The following RBFOX1 variants were observed in gnomAD, a reference collection of about 807,000 sequenced individuals.
RBFOX1 encodes RNA binding protein fox-1 homolog 1.
In RBFOX1, 8 loss-of-function variants were observed where a neutral mutation model predicts 57.7. The ratio of observed to expected loss-of-function variants is 0.14; its 90% CI spans 0.08 to 0.25. The LOEUF is 0.25. Among genes scored for constraint, RBFOX1 ranks in the 10% least tolerant of loss-of-function variants. RBFOX1 has a pLI of 1.00. For missense variants in RBFOX1, 611 were observed against 548.5 expected, an observed-to-expected ratio of 1.11 and a Z score of -1.14; for synonymous variants, 326 against 222.4, an observed-to-expected ratio of 1.47 and a Z score of -4.15.
chr16:6,602,513 A>T (rs1307929764), intron 2 of RBFOX1, among the ~76,000 whole-genome samples: 1 of 152,034 alleles, frequency 6.6e-6, no homozygotes, highest in Non-Finnish European at 1.5e-5. Flanking sequence ...CCAACAGCTG[A>T]CCTCCAAGAG....
chr16:6,944,535 G>T (rs146316619), intron 3 of RBFOX1, among the ~76,000 whole-genome samples: 6 of 152,242 alleles, frequency 3.9e-5, no homozygotes, highest in African/African-American at 1.4e-4. Context: ...AAGTGGTCAC[G>T]ATCTGGTATA....
intron 1 of RBFOX1, among the ~76,000 whole-genome samples, chr16:5,251,862 A>G (rs1308613098): frequency 1.2e-4 from 19 of 152,176 alleles, no homozygotes; most frequent in Non-Finnish European, 2.1e-4. Flanking sequence ...ATTATAAAAT[A>G]AGCTATAAAT....
At chr16:7,665,728 C>T (rs1272102131) in intron 13 of RBFOX1, among the ~76,000 whole-genome samples, 3 of 152,084 alleles carry the variant, frequency 2.0e-5, no homozygotes, top group Non-Finnish European at 2.9e-5. Context: ...AATAAGTAGG[C>T]AGTGTTGGGA....
intron 3 of RBFOX1, among the ~76,000 whole-genome samples, chr16:5,812,870 C>T (rs184614007): frequency 1.3e-5 from 2 of 152,276 alleles, no homozygotes; most frequent in East Asian, 1.9e-4. Context: ...CTTTCAACTT[C>T]TGGTTTTCCA....
chr16:6,323,468 T>A (rs978067272), intron 2 of RBFOX1, among the ~76,000 whole-genome samples: 7 of 152,114 alleles, frequency 4.6e-5, no homozygotes, highest in African/African-American at 1.7e-4. Flanking sequence ...CCTGTAAAAG[T>A]GACAAGCAGG....
intron 4 of RBFOX1, among the ~76,000 whole-genome samples, chr16:7,302,287 C>T (rs187121729): frequency 2.0e-5 from 3 of 152,198 alleles, no homozygotes; most frequent in Non-Finnish European, 2.9e-5. Context: ...TCAAACAGAA[C>T]GACAACAAAA....
chr16:5,842,179 T>C (rs1567613206), intron 3 of RBFOX1, among the ~76,000 whole-genome samples: 1 of 152,160 alleles, frequency 6.6e-6, no homozygotes, highest in East Asian at 1.9e-4. Flanking sequence ...GAACAGTGTT[T>C]AAAAGGCGCC....
chr16:6,360,257 A>G (rs866791665), intron 2 of RBFOX1, among the ~76,000 whole-genome samples: 12 of 151,544 alleles, frequency 7.9e-5, no homozygotes, highest in East Asian at 1.9e-4. Flanking sequence ...TTTTTTTCCA[A>G]TGTGGACCTG....
intron 4 of RBFOX1, among the ~76,000 whole-genome samples, chr16:7,506,153 C>A (rs528254585): frequency 7.4e-6 from 1 of 136,048 alleles, no homozygotes; most frequent in South Asian, 2.3e-4. Flanking sequence ...CCACTGCACT[C>A]CAGCCTGGGT....
chr16:7,002,249 C>T (rs2092884506), intron 3 of RBFOX1, among the ~76,000 whole-genome samples: 1 of 152,128 alleles, frequency 6.6e-6, no homozygotes, highest in Non-Finnish European at 1.5e-5. Context: ...TACAGCGGTG[C>T]ATGAAGTTAA....
intron 3 of RBFOX1, among the ~76,000 whole-genome samples, chr16:7,013,283 A>G (rs117075229): frequency 0.034 from 5,162 of 152,256 alleles, 180 homozygotes; most frequent in Non-Finnish European, 0.05. Flanking sequence ...AGGTAATTCA[A>G]TGAAGTAAGG....
chr16:6,041,377 G>GT (rs2095434615), intron 1 of RBFOX1, among the ~76,000 whole-genome samples: 1 of 152,150 alleles, frequency 6.6e-6, no homozygotes, highest in South Asian at 2.1e-4. Context: ...TTTCAGACAT[G>GT]TTTTAAACAA....
intron 3 of RBFOX1, among the ~76,000 whole-genome samples, chr16:5,824,858 A>G (rs774959250): frequency 1.3e-5 from 2 of 152,134 alleles, no homozygotes; most frequent in Non-Finnish European, 2.9e-5. Flanking sequence ...GAGGTGGGCT[A>G]GGAGGTTTAT....
chr16:6,546,675 T>A (rs1296739553), intron 2 of RBFOX1, among the ~76,000 whole-genome samples: 1 of 152,230 alleles, frequency 6.6e-6, no homozygotes, highest in Non-Finnish European at 1.5e-5. Context: ...TTTGATTCCT[T>A]TCTGTAGATT....
At chr16:6,253,243 G>A (rs1254577236) in intron 1 of RBFOX1, among the ~76,000 whole-genome samples, 1 of 152,152 alleles carries the variant, frequency 6.6e-6, no homozygotes, top group Non-Finnish European at 1.5e-5. Flanking sequence ...GTTGTTAAAA[G>A]CAGTCTGATT....
In RBFOX1 at chr16:6,453,147, T is replaced by C. The variant is rs145379098; in HGVS notation, c.-64+136090T>C. On this transcript the variant is annotated intron_variant, in intron 2 of 15. Transcript: ENST00000550418. ...ATTATCATCCTTTTAACTTCTGGGA[T>C]ACATGTACAGAACGTGCAAGTTCGT... Among the ~76,000 whole-genome samples the C allele has an allele frequency of 1.2e-3, 175 of 152,108 alleles. No individual in the cohort carries two copies. The Middle Eastern group carries it at 0.027, about 24-fold the overall frequency.
chr16:5,397,694 A>G (rs182834229), intron 1 of RBFOX1, among the ~76,000 whole-genome samples: 1 of 152,374 alleles, frequency 6.6e-6, no homozygotes, highest in Non-Finnish European at 1.5e-5. Flanking sequence ...CCCAAATGCT[A>G]CGTGGACCTT....
chr16:6,933,635 C>T (rs1381423890), intron 3 of RBFOX1, among the ~76,000 whole-genome samples: 2 of 152,198 alleles, frequency 1.3e-5, no homozygotes, highest in Non-Finnish European at 2.9e-5. Context: ...ATTACTTGAA[C>T]CTGGGAGGGA....
intron 3 of RBFOX1, among the ~76,000 whole-genome samples, chr16:6,775,428 A>G (rs564785544): frequency 6.6e-6 from 1 of 151,960 alleles, no homozygotes; most frequent in East Asian, 1.9e-4. Flanking sequence ...GTATGAAGAA[A>G]GGATTTTAAC....
Sources: gnomAD v4.1 joint callset for allele counts (sites outside exome capture counted in the v4.1 genomes callset) on GRCh38, gnomAD v4.1.1 for gene constraint, MANE v1.5 for transcripts, NCBI Gene and HGNC (gene_info 2026-07-23, HGNC 2026-07-21) for gene names.